RAB6B: variants seen among roughly 807,000 people sequenced by gnomAD.
RAB6B encodes the protein ras-related protein Rab-6B.
RAB6B carries 7 observed loss-of-function variants against 31.2 expected under a neutral mutation model. That is an observed-to-expected ratio of 0.22 (90% CI 0.13 to 0.42). The LOEUF is 0.42. RAB6B is among the 10% of genes least tolerant of loss of function. The pLI is 1.00. For missense variants in RAB6B, 149 were observed against 280.6 expected, an observed-to-expected ratio of 0.53 and a Z score of 3.35; for synonymous variants, 105 against 104.9, an observed-to-expected ratio of 1.00 and a Z score of -0.01.
Position 133,883,595 on chromosome 3 carries a change from C to A in RAB6B, c.70+11802G>T, listed in dbSNP as rs2370637. ...AGCACTTCTATGGATCTCTCTTCCC[C>A]AGTGCCCCTTGCTTCCCCTGTTTGC... On this transcript the variant is annotated intron_variant, in intron 1 of 7. Coordinates refer to ENST00000285208, the MANE Select transcript of RAB6B (RefSeq NM_016577.4). 5.0e-3 allele frequency among the ~76,000 whole-genome samples: 764 copies of A among 152,296 alleles called. 5 individuals carry two copies. Among genetic ancestry groups the A allele is most frequent in the South Asian group, 8.5e-3 (41 of 4,828 alleles).
Position 133,895,759 on chromosome 3 carries a change from C to T in RAB6B, c.-293G>A, listed in dbSNP as rs1936703678. On this transcript the variant is annotated 5_prime_UTR_variant, in exon 1 of 8. Coordinates refer to ENST00000285208, the MANE Select transcript of RAB6B (RefSeq NM_016577.4). ...CGCGCTCTTTACGCCCGAGGCGCGG[C>T]GCTGGGAGAGAGGCGCGGGCGGAGC... 8 of 410,572 alleles carry T rather than the reference C, an allele frequency of 1.9e-5. No homozygotes were observed. Among genetic ancestry groups the T allele is most frequent in the Admixed American group, 1.4e-4 (3 of 21,380 alleles). The allele number at this position is 410,572 out of a possible 1,614,324, so 25.4% of individuals were successfully genotyped here. A position where few individuals can be genotyped will look rare whatever the true frequency, so the allele number is the denominator to read the frequency against.
At chr3:133,873,171 G>T (rs1037084052) in intron 1 of RAB6B, among the ~76,000 whole-genome samples, 1 of 152,184 alleles carries the variant, frequency 6.6e-6, no homozygotes, top group Non-Finnish European at 1.5e-5. Context: ...AACAGTACAT[G>T]GACAAGAGCA....
At chr3:133,829,232 C>T (rs1417444861) in intron 7 of RAB6B, among the ~76,000 whole-genome samples, 1 of 152,220 alleles carries the variant, frequency 6.6e-6, no homozygotes, top group African/African-American at 2.4e-5. Flanking sequence ...AGATGAAGAG[C>T]CTGCTGGGTT....
chr3:133,864,070 G>A (rs1936199757), intron 2 of RAB6B, among the ~76,000 whole-genome samples: 1 of 151,700 alleles, frequency 6.6e-6, no homozygotes. Flanking sequence ...TGTAGGGCAG[G>A]GCAAGCTCAT....
At chr3:133,839,457 A>G (rs1320978191) in intron 5 of RAB6B, 49 bp downstream of exon 5, 2 of 1,469,070 alleles carry the variant, frequency 1.4e-6, no homozygotes, top group African/African-American at 2.8e-5. Context: ...AGGAGCAGTT[A>G]CAGAGGAGTG....
At chr3:133,895,276 TCTC>T (rs1936692223) in intron 1 of RAB6B, 118 bp downstream of exon 1, 2 of 692,546 alleles carry the variant, frequency 2.9e-6, no homozygotes, top group South Asian at 3.3e-5. Flanking sequence ...TCCCTGTCCC[TCTC>T]CTCTACCCTG....
intron 4 of RAB6B, among the ~76,000 whole-genome samples, chr3:133,839,941 G>A (rs997884253): frequency 6.6e-6 from 1 of 152,144 alleles, no homozygotes; most frequent in Admixed American, 6.5e-5. Context: ...CCTGACTCTG[G>A]GGATTCAGAG....
chr3:133,887,032 AG>A lies in RAB6B; in HGVS notation c.70+8364del, dbSNP rs568713177. On this transcript the variant is annotated intron_variant, in intron 1 of 7. Transcript: ENST00000285208. ...AATATGGTGATGGGGTGGGGGTGGG[AG>A]CTGGGGCTGGGGCCGGGTCTCTAAG... is the stretch of plus-strand genomic sequence containing the variant. Among the ~76,000 whole-genome samples the A allele has an allele frequency of 1.7e-3, 193 of 115,766 alleles. 2 individuals carry two copies. Among genetic ancestry groups the A allele is most frequent in the South Asian group, 4.9e-3 (17 of 3,482 alleles). 75.9% of individuals were successfully genotyped at this position (115,766 alleles called of 152,430 possible).
chr3:133,838,127 C>T (rs775142313), intron 6 of RAB6B, 39 bp downstream of exon 6: 12 of 285,670 alleles, frequency 4.2e-5, no homozygotes, highest in Admixed American at 1.7e-4. Context: ...TACACCGTGC[C>T]GGGCCCCGTG....
At chr3:133,877,734 TTATTA>T (rs1936415674) in intron 1 of RAB6B, among the ~76,000 whole-genome samples, 1 of 148,800 alleles carries the variant, frequency 6.7e-6, no homozygotes, top group South Asian at 2.1e-4. Flanking sequence ...TAAGAAATAG[TTATTA>T]TATATTATAA....
intron 2 of RAB6B, among the ~76,000 whole-genome samples, chr3:133,844,979 G>T (rs1043942740): frequency 6.7e-6 from 1 of 149,548 alleles, no homozygotes; most frequent in South Asian, 2.1e-4. Flanking sequence ...AGTTACAACC[G>T]CTCAAGGAAT....
At chr3:133,863,778 C>A (rs1361985748) in intron 2 of RAB6B, among the ~76,000 whole-genome samples, 1 of 152,158 alleles carries the variant, frequency 6.6e-6, no homozygotes, top group Non-Finnish European at 1.5e-5. Context: ...AATGCATTAT[C>A]ATTTGTCTCT....
intron 1 of RAB6B, among the ~76,000 whole-genome samples, chr3:133,866,924 C>T (rs143784854): frequency 6.6e-6 from 1 of 152,388 alleles, no homozygotes; most frequent in African/African-American, 2.4e-5. Flanking sequence ...GGGAAAGGTG[C>T]ATGCATCAGG....
At chr3:133,845,946 AT>A (rs772660135) in intron 2 of RAB6B, among the ~76,000 whole-genome samples, 4 of 152,350 alleles carry the variant, frequency 2.6e-5, no homozygotes, top group Admixed American at 6.5e-5. Flanking sequence ...ACAAAATGGT[AT>A]TTTTAACACT....
chr3:133,834,830 G>A (rs1474437023), intron 6 of RAB6B, among the ~76,000 whole-genome samples, 189 bp from the exon 7 acceptor site: 1 of 152,148 alleles, frequency 6.6e-6, no homozygotes, highest in Admixed American at 6.5e-5. Flanking sequence ...CACAGCATTG[G>A]GTCTGGGCAG....
chr3:133,885,437 A>G, intron 1 of RAB6B: 1 of 700,048 alleles, frequency 1.4e-6, no homozygotes. Flanking sequence ...GGGAACTCAC[A>G]TACCCAGTGA....
intron 1 of RAB6B, among the ~76,000 whole-genome samples, chr3:133,865,306 T>G (rs1936222012): frequency 1.3e-5 from 2 of 152,218 alleles, no homozygotes; most frequent in Non-Finnish European, 2.9e-5. Context: ...AAATGCCCTG[T>G]AGGGGCAGTG....
intron 2 of RAB6B, among the ~76,000 whole-genome samples, chr3:133,857,261 C>T (rs918479789): frequency 6.6e-6 from 1 of 151,996 alleles, no homozygotes; most frequent in Non-Finnish European, 1.5e-5. Context: ...TTCCTACTTC[C>T]AAAGTTTAAG....
At chr3:133,837,902 C>G (rs922196071) in intron 6 of RAB6B, among the ~76,000 whole-genome samples, 1 of 152,238 alleles carries the variant, frequency 6.6e-6, no homozygotes, top group Non-Finnish European at 1.5e-5. Flanking sequence ...GGGCCTGCTA[C>G]GTGGGCCGTG....
Sources: gnomAD v4.1 joint callset for allele counts (sites outside exome capture counted in the v4.1 genomes callset) on GRCh38, gnomAD v4.1.1 for gene constraint, MANE v1.5 for transcripts, NCBI Gene and HGNC (gene_info 2026-07-23, HGNC 2026-07-21) for gene names.